The following WWOX variants were observed in gnomAD, a reference collection of about 807,000 sequenced individuals.
WWOX encodes WW domain containing oxidoreductase.
A neutral mutation model predicts 46.2 loss-of-function variants in WWOX; 69 were observed. The ratio of observed to expected loss-of-function variants is 1.49; its 90% CI spans 1.23 to 1.82. The LOEUF (loss-of-function observed/expected upper bound fraction) is 1.82, where lower values mean the gene tolerates loss of function less well. Ranked by LOEUF, WWOX falls within the 40% of genes most tolerant of loss-of-function variation. The pLI is 0.00. For synonymous variants in WWOX, 359 were observed against 202.6 expected (o/e 1.77, Z -6.56); for missense variants, 919 against 542.6 (o/e 1.69, Z -6.89).
chr16:78,337,346 C>T (rs1354012842), intron 5 of WWOX, among the ~76,000 whole-genome samples: 1 of 151,924 alleles, frequency 6.6e-6, no homozygotes, highest in Admixed American at 6.6e-5. Context: ...TCTTGTGTAC[C>T]CACCGATCGC....
At chr16:78,592,321 C>G (rs2045370815) in intron 8 of WWOX, among the ~76,000 whole-genome samples, 1 of 152,130 alleles carries the variant, frequency 6.6e-6, no homozygotes, top group South Asian at 2.1e-4. Flanking sequence ...TTTGGCAAGG[C>G]TAGCATGATA....
chr16:79,069,929 C>G (rs1260466448), intron 8 of WWOX, among the ~76,000 whole-genome samples: 3 of 152,152 alleles, frequency 2.0e-5, no homozygotes, highest in African/African-American at 2.4e-5. Context: ...AAAAAGTTAC[C>G]CAAACCTTTG....
chr16:78,582,464 G>A (rs941321892), intron 8 of WWOX, among the ~76,000 whole-genome samples: 36 of 152,232 alleles, frequency 2.4e-4, no homozygotes, highest in African/African-American at 7.9e-4. Flanking sequence ...ATGACCTGAC[G>A]TTGATTGGCT....
intron 8 of WWOX, among the ~76,000 whole-genome samples, chr16:78,947,502 A>C (rs1413707950): frequency 6.6e-6 from 1 of 152,214 alleles, no homozygotes; most frequent in Non-Finnish European, 1.5e-5. Flanking sequence ...AAATTCAGTG[A>C]ATGCAGAGTC....
chr16:78,436,990 A>T (rs1342948237), intron 8 of WWOX, among the ~76,000 whole-genome samples: 1 of 152,220 alleles, frequency 6.6e-6, no homozygotes, highest in East Asian at 1.9e-4. Context: ...GAAGCTTAGC[A>T]TAGATGCAAT....
intron 8 of WWOX, among the ~76,000 whole-genome samples, chr16:78,939,414 G>C (rs143604651): frequency 4.4e-4 from 67 of 152,256 alleles, no homozygotes; most frequent in African/African-American, 1.6e-3. Flanking sequence ...TTGATTCTTG[G>C]TTCTTTCTTT....
At position 78,160,716 on chromosome 16, in the gene WWOX, A is replaced by G. The variant is rs545840252; in HGVS notation, c.410-3467A>G. Among the ~76,000 whole-genome samples the G allele has an allele frequency of 2.0e-5, 3 of 152,220 alleles. No homozygotes were observed. The South Asian group carries it at 6.2e-4, about 31-fold the overall frequency. ...AGACTTGCTTTTGCCCCTGCAAATC[A>G]TCAGTTTTGGTAAGTATTCTTGAAG... On this transcript the variant is annotated intron_variant, in intron 4 of 8. Coordinates refer to ENST00000566780, the MANE Select transcript of WWOX (RefSeq NM_016373.4).
chr16:78,686,230 G>A (rs1055000643), intron 8 of WWOX, among the ~76,000 whole-genome samples: 1 of 152,152 alleles, frequency 6.6e-6, no homozygotes, highest in Non-Finnish European at 1.5e-5. Flanking sequence ...TCTGTTAGAA[G>A]GCCAGGCGCG....
At chr16:78,430,456 G>A (rs1346910054) in intron 7 of WWOX, among the ~76,000 whole-genome samples, 1 of 152,186 alleles carries the variant, frequency 6.6e-6, no homozygotes, top group African/African-American at 2.4e-5. Context: ...TCTAGGCTCA[G>A]ATAATTATCC....
At chr16:78,356,091 AAAG>A (rs1555525207) in intron 5 of WWOX, among the ~76,000 whole-genome samples, 16 of 76,714 alleles carry the variant, frequency 2.1e-4, no homozygotes, top group African/African-American at 6.3e-4. Flanking sequence ...AAAAAAAAAA[AAAG>A]AAGAATCGAT....
chr16:79,078,683 A>C (rs1214899034), intron 8 of WWOX, among the ~76,000 whole-genome samples: 1 of 152,212 alleles, frequency 6.6e-6, no homozygotes, highest in Non-Finnish European at 1.5e-5. Context: ...GTCTGTGTTT[A>C]AAGGACTTGA....
chr16:78,966,064 G>A (rs1321203667), intron 8 of WWOX, among the ~76,000 whole-genome samples: 1 of 152,206 alleles, frequency 6.6e-6, no homozygotes, highest in African/African-American at 2.4e-5. Context: ...TACACTGTGT[G>A]ACCAGCTCTG....
intron 8 of WWOX, among the ~76,000 whole-genome samples, chr16:78,542,487 A>G (rs1190318882): frequency 6.6e-6 from 1 of 152,146 alleles, no homozygotes; most frequent in African/African-American, 2.4e-5. Flanking sequence ...TTTAGTAGTT[A>G]AAGCTGAGAG....
At chr16:78,969,210 CA>C (rs1398078838) in intron 8 of WWOX, among the ~76,000 whole-genome samples, 4 of 151,752 alleles carry the variant, frequency 2.6e-5, no homozygotes, top group Non-Finnish European at 5.9e-5. Context: ...TTTGCTACCT[CA>C]GGGGACAAAG....
At chr16:78,861,495 C>A (rs1304863836) in intron 8 of WWOX, among the ~76,000 whole-genome samples, 1 of 152,162 alleles carries the variant, frequency 6.6e-6, no homozygotes, top group Non-Finnish European at 1.5e-5. Context: ...CCACCCACTT[C>A]CCCCATGCCT....
intron 8 of WWOX, among the ~76,000 whole-genome samples, chr16:78,441,096 C>G (rs1055945025): frequency 6.6e-6 from 1 of 152,100 alleles, no homozygotes; most frequent in African/African-American, 2.4e-5. Flanking sequence ...GTGTGCACCA[C>G]CACGCACGGC....
intron 8 of WWOX, among the ~76,000 whole-genome samples, chr16:78,808,513 T>G (rs2051102108): frequency 6.6e-6 from 1 of 152,210 alleles, no homozygotes; most frequent in Non-Finnish European, 1.5e-5. Flanking sequence ...ACTAAAAATG[T>G]GGACCTTTGT....
chr16:79,023,964 C>CAAACA (rs1555513477), intron 8 of WWOX, among the ~76,000 whole-genome samples: 9 of 151,042 alleles, frequency 6.0e-5, no homozygotes, highest in Admixed American at 2.6e-4. Context: ...AAAAAACAAA[C>CAAACA]AAAAAAAACA....
At chr16:78,791,059 C>G (rs1160487592) in intron 8 of WWOX, among the ~76,000 whole-genome samples, 1 of 143,126 alleles carries the variant, frequency 7.0e-6, no homozygotes, top group African/African-American at 2.6e-5. Context: ...AAAGGAAAAT[C>G]TTCGTTGTTC....
Sources: gnomAD v4.1 joint callset for allele counts (sites outside exome capture counted in the v4.1 genomes callset) on GRCh38, gnomAD v4.1.1 for gene constraint, MANE v1.5 for transcripts, NCBI Gene and HGNC (gene_info 2026-07-23, HGNC 2026-07-21) for gene names.